The following NTM variants were observed in gnomAD, a reference collection of about 807,000 sequenced individuals.
NTM encodes the protein IgLON family member 2.
Under a neutral mutation model 42.1 loss-of-function variants are expected in NTM, and 13 were observed. The observed-to-expected ratio is 0.31, with a 90% CI of 0.20 to 0.49. The LOEUF is 0.49. Ranked by LOEUF, NTM falls within the 20% of genes least tolerant of loss-of-function variation. The pLI is 0.99. For synonymous variants in NTM, 187 were observed against 179.2 expected (o/e 1.04, Z -0.35); for missense variants, 373 against 452.8 (o/e 0.82, Z 1.60).
chr11:131,626,202 G>T (rs773665644), intron 1 of NTM, among the ~76,000 whole-genome samples: 1 of 152,108 alleles, frequency 6.6e-6, no homozygotes, highest in African/African-American at 2.4e-5. Flanking sequence ...CACACATGGA[G>T]AATATACCTA....
intron 1 of NTM, among the ~76,000 whole-genome samples, chr11:131,735,984 C>T (rs963854608): frequency 6.6e-6 from 1 of 151,952 alleles, no homozygotes; most frequent in African/African-American, 2.4e-5. Context: ...AGGTGCACAC[C>T]AACACACCTG....
intron 2 of NTM, among the ~76,000 whole-genome samples, chr11:132,061,587 T>G (rs1284568680): frequency 2.0e-5 from 3 of 152,222 alleles, no homozygotes; most frequent in African/African-American, 7.2e-5. Flanking sequence ...AGAGGGATAA[T>G]GCATGGTGAT....
chr11:131,618,154 A>C (rs1227081652), intron 1 of NTM, among the ~76,000 whole-genome samples: 2 of 152,230 alleles, frequency 1.3e-5, no homozygotes, highest in East Asian at 3.9e-4. Context: ...CAGAAGAAGC[A>C]GTTAGGTATA....
chr11:132,161,370 CTTTTTTTTT>C (rs55732584), intron 3 of NTM, among the ~76,000 whole-genome samples: 3 of 64,078 alleles, frequency 4.7e-5, no homozygotes, highest in Admixed American at 1.9e-4. Context: ...TTTCGAGCAG[CTTTTTTTTT>C]TTTTTTTTTT....
chr11:131,972,453 T>A (rs1187854577), intron 2 of NTM, among the ~76,000 whole-genome samples: 1 of 152,198 alleles, frequency 6.6e-6, no homozygotes, highest in Non-Finnish European at 1.5e-5. Context: ...AGATGAAGTC[T>A]ATCTTACATA....
chr11:132,188,102 G>A (rs1056321445), intron 3 of NTM, among the ~76,000 whole-genome samples: 20 of 151,830 alleles, frequency 1.3e-4, no homozygotes, highest in Middle Eastern at 6.8e-3. Flanking sequence ...CTGTGCGTGC[G>A]TGTGTGTGTG....
At chr11:132,035,626 CAT>C (rs2076416207) in intron 2 of NTM, among the ~76,000 whole-genome samples, 1 of 151,948 alleles carries the variant, frequency 6.6e-6, no homozygotes, top group African/African-American at 2.4e-5. Context: ...GGGCTATTGG[CAT>C]GTGTGTGTGT....
chr11:131,464,359 T>TGGGG (rs143677319), intron 1 of NTM, among the ~76,000 whole-genome samples: 4 of 146,156 alleles, frequency 2.7e-5, no homozygotes, highest in African/African-American at 1.0e-4. Flanking sequence ...CAGGGAAAGC[T>TGGGG]GGGGGGGGGG....
Position 131,607,366 on chromosome 11 carries a change from T to C in NTM, c.82+236478T>C, listed in dbSNP as rs1729743694. On this transcript the variant is annotated intron_variant, in intron 1 of 8. Transcript: ENST00000683400. ...AGTCCTCCCTGTGCTGTGTTTTGTTTGTTTGTTTTTATAATAAATCTTGCT... is the reference window on the plus strand; with the variant it reads ...AGTCCTCCCTGTGCTGTGTTTTGTTCGTTTGTTTTTATAATAAATCTTGCT... 3.9e-5 allele frequency among the ~76,000 whole-genome samples: 6 copies of C among 152,204 alleles called. No homozygotes were observed. The South Asian group carries it at 1.2e-3, about 31-fold the overall frequency.
chr11:131,827,298 G>A (rs1409689092), intron 1 of NTM, among the ~76,000 whole-genome samples: 1 of 152,206 alleles, frequency 6.6e-6, no homozygotes, highest in Non-Finnish European at 1.5e-5. Context: ...CCTGCACAGT[G>A]TGAGATTTTT....
intron 1 of NTM, among the ~76,000 whole-genome samples, chr11:131,628,997 GT>G (rs1325045499): frequency 6.6e-6 from 1 of 152,230 alleles, no homozygotes; most frequent in Non-Finnish European, 1.5e-5. Flanking sequence ...ATGGTGTGGT[GT>G]GGGTGGGGAC....
At chr11:131,466,254 A>T (rs987234801) in intron 1 of NTM, among the ~76,000 whole-genome samples, 1 of 152,216 alleles carries the variant, frequency 6.6e-6, no homozygotes, top group Admixed American at 6.5e-5. Flanking sequence ...TAACCGAGAG[A>T]TGAGCGGAGG....
At chr11:131,716,043 GA>G (rs1193678680) in intron 1 of NTM, among the ~76,000 whole-genome samples, 1 of 152,200 alleles carries the variant, frequency 6.6e-6, no homozygotes, top group Non-Finnish European at 1.5e-5. Flanking sequence ...GTAAACAACA[GA>G]AGTTGTTCTC....
chr11:131,450,909 CT>C (rs561077436), intron 1 of NTM, among the ~76,000 whole-genome samples: 2 of 151,362 alleles, frequency 1.3e-5, no homozygotes, highest in Admixed American at 6.6e-5. Context: ...ATAAATAAAC[CT>C]TTTTTTTTCT....
At chr11:131,447,876 G>A (rs552876208) in intron 1 of NTM, among the ~76,000 whole-genome samples, 15 of 152,312 alleles carry the variant, frequency 9.8e-5, no homozygotes, top group Admixed American at 2.0e-4. Context: ...GAGGGCTCCC[G>A]TTTGGGGCAG....
chr11:132,132,626 G>A (rs980681200), intron 2 of NTM, among the ~76,000 whole-genome samples: 1 of 152,116 alleles, frequency 6.6e-6, no homozygotes, highest in African/African-American at 2.4e-5. Context: ...CTCCTGCGGA[G>A]TCCTTGATAC....
intron 1 of NTM, among the ~76,000 whole-genome samples, chr11:131,906,514 G>A (rs910081866): frequency 6.6e-6 from 1 of 152,028 alleles, no homozygotes; most frequent in African/African-American, 2.4e-5. Flanking sequence ...GTGATGTTAC[G>A]AGTCCAGGGT....
intron 4 of NTM, among the ~76,000 whole-genome samples, chr11:132,307,057 C>G (rs1165624147): frequency 6.6e-6 from 1 of 152,182 alleles, no homozygotes; most frequent in African/African-American, 2.4e-5. Flanking sequence ...GCATCGAGTG[C>G]GGAGTCCCAT....
chr11:131,569,568 TTC>T (rs1215934476), intron 1 of NTM, among the ~76,000 whole-genome samples: 8 of 147,920 alleles, frequency 5.4e-5, no homozygotes, highest in Admixed American at 2.0e-4. Flanking sequence ...TCTTTTTTTC[TTC>T]TCTCTTTTTT....
Sources: gnomAD v4.1 joint callset for allele counts (sites outside exome capture counted in the v4.1 genomes callset) on GRCh38, gnomAD v4.1.1 for gene constraint, MANE v1.5 for transcripts, NCBI Gene and HGNC (gene_info 2026-07-23, HGNC 2026-07-21) for gene names.